KAT14: variants seen among roughly 807,000 people sequenced by gnomAD.
The protein encoded by KAT14 is cysteine-rich protein 2-binding protein.
Under a neutral mutation model 78.4 loss-of-function variants are expected in KAT14, and 66 were observed. The observed-to-expected ratio is 0.84, with a 90% CI of 0.69 to 1.03. KAT14 has a LOEUF of 1.03. Among genes scored for constraint, KAT14 ranks in the 50% least tolerant of loss-of-function variants. The pLI is 0.00. For synonymous variants in KAT14, 344 were observed against 359.4 expected (o/e 0.96, Z 0.48); for missense variants, 870 against 972.5 (o/e 0.89, Z 1.40).
chr20:18,181,649 A>G, intron 7 of KAT14, 61 bp from the exon 8 acceptor site: 25 of 1,606,400 alleles, frequency 1.6e-5, no homozygotes, highest in Non-Finnish European at 2.0e-5. Flanking sequence ...GATTACCGGC[A>G]TGAGCCACTG....
chr20:18,153,665 G>A (rs1167705005), intron 4 of KAT14, among the ~76,000 whole-genome samples: 1 of 152,146 alleles, frequency 6.6e-6, no homozygotes, highest in Non-Finnish European at 1.5e-5. Flanking sequence ...TTTTTAACAT[G>A]CCAATGAAAG....
Position 18,137,878 on chromosome 20 carries a change from A to T in KAT14, c.-627A>T. ...TCGAGGGGTCGAGCCTGGGCAGTAC[A>T]GGCGGCGGTGCGCACTCTGCGGCGG... On this transcript the variant is annotated 5_prime_UTR_variant, in exon 1 of 11. Transcript: ENST00000688188. 7.2e-7 allele frequency: 1 copy of T among 1,380,612 alleles called. No homozygotes were observed. Among genetic ancestry groups the T allele is most frequent in the Non-Finnish European group, 9.4e-7 (1 of 1,060,390 alleles). The allele number at this position is 1,380,612 out of a possible 1,614,324, so 85.5% of individuals were successfully genotyped here. A position where few individuals can be genotyped will look rare whatever the true frequency, so the allele number is the denominator to read the frequency against.
Position 18,187,463 on chromosome 20 carries a change from G to C in KAT14, c.*4G>C, listed in dbSNP as rs201656712. The C allele has an allele frequency of 6.2e-7, 1 of 1,613,790 alleles. No individual in the cohort carries two copies. On this transcript the variant is annotated 3_prime_UTR_variant, in exon 11 of 11. Coordinates refer to ENST00000688188, the MANE Select transcript of KAT14 (RefSeq NM_001392073.1). ...CTTTCTGAGGCTCCGGCGCTGATGC[G>C]AATACAGCTCACAGAGAAACGCATG...
chr20:18,175,022 C>T (rs1156253943), intron 7 of KAT14, among the ~76,000 whole-genome samples: 2 of 151,824 alleles, frequency 1.3e-5, no homozygotes, highest in African/African-American at 4.8e-5. Flanking sequence ...TGAGCTCATA[C>T]CCCCTTAGTG....
intron 4 of KAT14, among the ~76,000 whole-genome samples, chr20:18,156,042 A>G (rs6136311): frequency 0.087 from 13,251 of 152,258 alleles, 762 homozygotes; most frequent in East Asian, 0.25. Context: ...CATACAGTGG[A>G]TATCATTCAG....
chr20:18,138,289 C>T, intron 1 of KAT14: 1 of 1,207,102 alleles, frequency 8.3e-7, no homozygotes. Flanking sequence ...GGCTGCCCGG[C>T]TTAGCGCCTT....
At chr20:18,181,924 G>T (rs2039273952) in intron 8 of KAT14, 78 bp downstream of exon 8, 3 of 1,566,728 alleles carry the variant, frequency 1.9e-6, no homozygotes, top group Non-Finnish European at 2.6e-6. Flanking sequence ...CTGTTCTCCT[G>T]TTGGAGAGAA....
chr20:18,140,316 GT>G (rs1342773705), intron 1 of KAT14, among the ~76,000 whole-genome samples: 8 of 152,056 alleles, frequency 5.3e-5, no homozygotes, highest in African/African-American at 1.9e-4. Flanking sequence ...AGACAGTTGT[GT>G]TTCAGTTGAG....
In KAT14 at chr20:18,184,631, C is replaced by T. The variant is rs935551230; in HGVS notation, c.2011C>T (p.Pro671Ser). The T allele has an allele frequency of 1.2e-6, 2 of 1,613,104 alleles. No homozygotes were observed. Among genetic ancestry groups the T allele is most frequent in the African/African-American group, 2.7e-5 (2 of 74,772 alleles). ...GIDLSECLQY[P>S]DFSVVVLYKK... ...TGACCTGTCTGAGTGTCTGCAGTAC[C>T]CAGACTTCAGTGTTGTTGTTCTTTA... The change falls in exon 10 of 11, where the codon CCA becomes TCA. Residue 671 changes from proline (P) to serine (S), a missense_variant. By Grantham distance (74) the Pro-to-Ser change is moderately conservative. Coordinates refer to ENST00000688188, the MANE Select transcript of KAT14 (RefSeq NM_001392073.1).
At chr20:18,170,577 C>T (rs2038809568) in intron 7 of KAT14, among the ~76,000 whole-genome samples, 1 of 152,210 alleles carries the variant, frequency 6.6e-6, no homozygotes, top group Non-Finnish European at 1.5e-5. Context: ...CTCTGTCGCC[C>T]AGGCTGGAGT....
intron 2 of KAT14, 37 bp downstream of exon 2, chr20:18,142,956 C>T (rs990784404): frequency 6.2e-7 from 1 of 1,601,324 alleles, no homozygotes; most frequent in Non-Finnish European, 8.5e-7. Context: ...TTGTCAATTC[C>T]TGTGTGAAGG....
intron 7 of KAT14, among the ~76,000 whole-genome samples, chr20:18,163,993 G>A (rs972224250): frequency 6.6e-5 from 10 of 152,154 alleles, no homozygotes; most frequent in Non-Finnish European, 7.3e-5. Flanking sequence ...AATCTCATTC[G>A]GAACTCTTCA....
intron 10 of KAT14, among the ~76,000 whole-genome samples, 190 bp from the exon 11 acceptor site, chr20:18,187,096 G>T (rs1395078536): frequency 6.6e-6 from 1 of 152,234 alleles, no homozygotes; most frequent in Admixed American, 6.5e-5. Flanking sequence ...TTGGTCTTGT[G>T]AATGTTTTGA....
chr20:18,171,962 C>T (rs1250854258), intron 7 of KAT14, among the ~76,000 whole-genome samples: 1 of 152,220 alleles, frequency 6.6e-6, no homozygotes, highest in Admixed American at 6.5e-5. Context: ...GAGGCAAGAG[C>T]CTCTACCAAT....
At position 18,164,317 on chromosome 20, in the gene KAT14, C is replaced by T. The variant is rs2038554572; in HGVS notation, c.1668+1372C>T. On this transcript the variant is annotated intron_variant, in intron 7 of 10. Transcript: ENST00000688188. ...GGCTTCCTGTGTCCAGAATCTCCCT[C>T]TTGAGCCTCTCCAGTCTTCTGCCCG... Among the ~76,000 whole-genome samples the T allele has an allele frequency of 3.9e-5, 6 of 152,194 alleles. No individual in the cohort carries two copies. The South Asian group carries it at 1.2e-3, about 31-fold the overall frequency.
In KAT14 at chr20:18,170,552, T is replaced by C. The variant is rs144927228; in HGVS notation, c.1668+7607T>C. Among the ~76,000 whole-genome samples the C allele has an allele frequency of 3.0e-4, 46 of 152,354 alleles. No homozygotes were observed. The East Asian group carries it at 8.7e-3, about 29-fold the overall frequency. Reference sequence around the variant, plus strand: ...CAGAGAAAAAGATTATTTTCTTTTTTGAGACGGAGTCTTGCTCTGTCGCCC... The same window carrying C: ...CAGAGAAAAAGATTATTTTCTTTTTCGAGACGGAGTCTTGCTCTGTCGCCC... On this transcript the variant is annotated intron_variant, in intron 7 of 10. Coordinates refer to ENST00000688188, the MANE Select transcript of KAT14 (RefSeq NM_001392073.1).
intron 7 of KAT14, among the ~76,000 whole-genome samples, chr20:18,168,625 A>G (rs2038744142): frequency 1.3e-5 from 2 of 151,818 alleles, no homozygotes; most frequent in South Asian, 2.1e-4. Context: ...TTTGTTTTTT[A>G]TCTTTAATTA....
chr20:18,186,918 C>T (rs2039468789), intron 10 of KAT14, among the ~76,000 whole-genome samples: 1 of 152,104 alleles, frequency 6.6e-6, no homozygotes, highest in African/African-American at 2.4e-5. Flanking sequence ...AAAAGCAAAA[C>T]TTATTTTGTT....
At chr20:18,183,598 A>T (rs2039346350) in intron 9 of KAT14, 2 of 933,938 alleles carry the variant, frequency 2.1e-6, no homozygotes, top group Non-Finnish European at 2.6e-6. Flanking sequence ...TCTATCAAAG[A>T]TACACAGACT....
Sources: allele counts gnomAD v4.1 joint callset (sites outside exome capture counted in the v4.1 genomes callset), GRCh38; gene constraint gnomAD v4.1.1; transcripts MANE v1.5; gene names NCBI Gene and HGNC (gene_info 2026-07-23, HGNC 2026-07-21).